RXFP1: variants seen among roughly 807,000 people sequenced by gnomAD.
RXFP1 encodes relaxin family peptide receptor 1, also known as relaxin receptor 1.
Under a neutral mutation model 89.8 loss-of-function variants are expected in RXFP1, and 73 were observed. The observed-to-expected ratio is 0.81, with a 90% CI of 0.67 to 0.99. The LOEUF is 0.99. Ranked by LOEUF, RXFP1 falls within the 50% of genes least tolerant of loss-of-function variation. The pLI, the probability that RXFP1 is intolerant of heterozygous loss-of-function variation, is 0.00. For synonymous variants in RXFP1, 277 were observed against 305.5 expected (o/e 0.91, Z 0.97); for missense variants, 793 against 895.5 (o/e 0.89, Z 1.46).
Position 158,597,942 on chromosome 4 carries a change from A to T in RXFP1, c.287-1384A>T, listed in dbSNP as rs376685980. The stretch of plus-strand genomic sequence containing the variant: ...AAAACTGTTGTAAAGTTCTTGGCAG[A>T]TACTCTGTTTATATTAAACACTAAA... On this transcript the variant is annotated intron_variant, in intron 3 of 17. Transcript: ENST00000307765. 3.4e-4 allele frequency among the ~76,000 whole-genome samples: 52 copies of T among 152,290 alleles called. 1 individual carries two copies. In the East Asian group the frequency reaches 7.7e-3, roughly 23 times the overall value.
At chr4:158,526,932 C>A (rs577877720) in intron 1 of RXFP1, among the ~76,000 whole-genome samples, 11 of 152,238 alleles carry the variant, frequency 7.2e-5, no homozygotes, top group African/African-American at 2.6e-4. Context: ...TTCCTCAACT[C>A]CTCCTCCCAT....
Position 158,572,737 on chromosome 4 carries a change from G to T in RXFP1, c.89G>T (p.Gly30Val), listed in dbSNP as rs780532708. 3.1e-6 allele frequency: 5 copies of T among 1,614,146 alleles called. No homozygotes were observed. The South Asian group carries it at 3.3e-5, about 11-fold the overall frequency. Residue 30 changes from glycine to valine, a missense_variant, in exon 2 of 18, where the codon GGC (glycine) becomes GTC (valine). Gly to Val is a moderately radical substitution (Grantham distance 109). Coordinates refer to ENST00000307765, the MANE Select transcript of RXFP1 (RefSeq NM_021634.4). ...GGGQDVKCSL[G>V]YFPCGNITKC... is the part of the protein sequence containing the mutation. Reference sequence around the variant, plus strand: ...GGACAGGATGTCAAGTGCTCCCTTGGCTATTTCCCCTGTGGGAACATCACA... The same window carrying T: ...GGACAGGATGTCAAGTGCTCCCTTGTCTATTTCCCCTGTGGGAACATCACA...
chr4:158,626,319 G>C (rs1766823947), intron 9 of RXFP1, among the ~76,000 whole-genome samples: 1 of 152,018 alleles, frequency 6.6e-6, no homozygotes, highest in Admixed American at 6.6e-5. Context: ...GATTATTGAG[G>C]ATTTTTTCTG....
chr4:158,631,071 T>A lies in RXFP1; in HGVS notation c.900-2334T>A, dbSNP rs888021691. Among the ~76,000 whole-genome samples the A allele has an allele frequency of 3.3e-5, 5 of 152,192 alleles. No homozygotes were observed. The East Asian group carries it at 9.6e-4, about 29-fold the overall frequency. On this transcript the variant is annotated intron_variant, in intron 11 of 17. Coordinates refer to ENST00000307765, the MANE Select transcript of RXFP1 (RefSeq NM_021634.4). ...TAGCCTAACTTTCCTAAACTTAAGC[T>A]GAGAAAATGGCCCTTTCAAATGTCA...
At position 158,561,626 on chromosome 4, in the gene RXFP1, CTTTTTTTT is replaced by C. The variant is rs70962615; in HGVS notation, c.50-11060_50-11053del. 4.9e-3 allele frequency among the ~76,000 whole-genome samples: 548 copies of C among 112,592 alleles called. 2 individuals are homozygous for C. The highest frequency in any genetic ancestry group is 0.017 in the African/African-American group (519 of 30,228). 73.9% of individuals were successfully genotyped at this position (112,592 alleles called of 152,430 possible). A position where few individuals can be genotyped will look rare whatever the true frequency, so the allele number is the denominator to read the frequency against. On this transcript the variant is annotated intron_variant, in intron 1 of 17. Coordinates refer to ENST00000307765, the MANE Select transcript of RXFP1 (RefSeq NM_021634.4). The stretch of plus-strand genomic sequence containing the variant: ...ACAATCTGTATTTTTTTCTTTTTTT[CTTTTTTTT>C]TTTTTTTTTTTGAGACAGAGTCTCA...
At chr4:158,548,592 T>A (rs932691156) in intron 1 of RXFP1, among the ~76,000 whole-genome samples, 1 of 152,222 alleles carries the variant, frequency 6.6e-6, no homozygotes, top group African/African-American at 2.4e-5. Context: ...CTGGTACTGG[T>A]TGTTCCTTTC....
chr4:158,556,073 G>T (rs1437852533), intron 1 of RXFP1, among the ~76,000 whole-genome samples: 18 of 151,952 alleles, frequency 1.2e-4, no homozygotes, highest in Middle Eastern at 3.2e-3. Context: ...AGCAAAAATA[G>T]ACAAATGGAT....
intron 1 of RXFP1, among the ~76,000 whole-genome samples, chr4:158,533,621 G>T (rs777308115): frequency 3.3e-5 from 5 of 152,122 alleles, no homozygotes; most frequent in Non-Finnish European, 5.9e-5. Flanking sequence ...GATAGATAGG[G>T]TTAGTCTATC....
intron 1 of RXFP1, among the ~76,000 whole-genome samples, chr4:158,535,142 A>G (rs1332137340): frequency 2.0e-5 from 3 of 152,080 alleles, no homozygotes; most frequent in Non-Finnish European, 2.9e-5. Context: ...CACTGCAAGG[A>G]CAGGTACAGC....
chr4:158,557,016 A>G (rs1038326030), intron 1 of RXFP1, among the ~76,000 whole-genome samples: 2 of 152,218 alleles, frequency 1.3e-5, no homozygotes, highest in African/African-American at 4.8e-5. Flanking sequence ...ATTACACAGT[A>G]GAGTGACTAT....
chr4:158,521,745 T>C (rs1741229893), upstream of RXFP1: 1 of 512,340 alleles, frequency 2.0e-6, no homozygotes, highest in Admixed American at 3.8e-5. Flanking sequence ...GATTAGGACA[T>C]TTAGAGAAGG....
chr4:158,585,902 C>T (rs1004136317), intron 2 of RXFP1, among the ~76,000 whole-genome samples: 8 of 152,200 alleles, frequency 5.3e-5, no homozygotes, highest in African/African-American at 1.7e-4. Flanking sequence ...ACTTGATGGT[C>T]GACATCTAGC....
chr4:158,607,426 G>A (rs983798911), intron 5 of RXFP1, among the ~76,000 whole-genome samples: 2 of 152,030 alleles, frequency 1.3e-5, no homozygotes, highest in African/African-American at 4.8e-5. Context: ...AATTGATTTG[G>A]TTGACAGATT....
At chr4:158,593,365 T>G (rs1759913392) in intron 2 of RXFP1, 36 bp from the exon 3 acceptor site, 2 of 1,338,202 alleles carry the variant, frequency 1.5e-6, no homozygotes, top group Non-Finnish European at 1.1e-6. Context: ...ATATCTCTGT[T>G]CCTTGAACTT....
intron 4 of RXFP1, among the ~76,000 whole-genome samples, chr4:158,601,092 C>A (rs1761595063): frequency 6.6e-6 from 1 of 151,276 alleles, no homozygotes; most frequent in African/African-American, 2.4e-5. Flanking sequence ...ATGCCCCACA[C>A]AAAGGTTGAA....
chr4:158,594,184 C>T (rs1291419379), intron 3 of RXFP1, among the ~76,000 whole-genome samples: 1 of 152,118 alleles, frequency 6.6e-6, no homozygotes, highest in Non-Finnish European at 1.5e-5. Context: ...CTCTGACATT[C>T]CAGACATGGT....
intron 3 of RXFP1, among the ~76,000 whole-genome samples, chr4:158,595,061 G>A (rs1760264444): frequency 1.3e-5 from 2 of 152,146 alleles, no homozygotes; most frequent in Non-Finnish European, 2.9e-5. Flanking sequence ...AACTATTGTA[G>A]AGTTCAATTA....
intron 1 of RXFP1, among the ~76,000 whole-genome samples, chr4:158,568,629 A>T (rs1754347840): frequency 6.6e-6 from 1 of 152,154 alleles, no homozygotes; most frequent in Non-Finnish European, 1.5e-5. Flanking sequence ...TGTTTTAAAC[A>T]ATTGGTTGAA....
intron 1 of RXFP1, among the ~76,000 whole-genome samples, chr4:158,534,245 ATTTTTT>A (rs70962614): frequency 2.2e-5 from 3 of 137,602 alleles, no homozygotes. Flanking sequence ...TGATATTCTG[ATTTTTT>A]TTTTTTTTTT....
Sources: allele counts gnomAD v4.1 joint callset (sites outside exome capture counted in the v4.1 genomes callset), GRCh38; gene constraint gnomAD v4.1.1; transcripts MANE v1.5; gene names NCBI Gene and HGNC (gene_info 2026-07-23, HGNC 2026-07-21).